OVOL2: variants seen among roughly 807,000 people sequenced by gnomAD.
OVOL2 encodes ovo like zinc finger 2.
OVOL2 carries 13 observed loss-of-function variants against 18.1 expected under a neutral mutation model. That is an observed-to-expected ratio of 0.72 (90% CI 0.47 to 1.14). The LOEUF is 1.14. Among genes scored for constraint, OVOL2 ranks in the 50% most tolerant of loss-of-function variants. The probability of loss-of-function intolerance (pLI) is 0.00; values close to 1 mark genes in which losing one functional copy is unlikely to be tolerated. For missense variants in OVOL2, 335 were observed against 383.0 expected (o/e 0.87, Z 1.05); for synonymous variants, 166 against 162.7 (o/e 1.02, Z -0.16).
chr20:18,032,468 C>T (rs1187958199), intron 3 of OVOL2, among the ~76,000 whole-genome samples: 1 of 151,586 alleles, frequency 6.6e-6, no homozygotes, highest in East Asian at 1.9e-4. Context: ...AAGTACAGTC[C>T]CTCGATACTG....
chr20:18,038,260 G>A (rs1173782174), intron 3 of OVOL2, among the ~76,000 whole-genome samples: 1 of 152,180 alleles, frequency 6.6e-6, no homozygotes, highest in Non-Finnish European at 1.5e-5. Context: ...TCTGCCAACT[G>A]TTGCAATTTT....
At chr20:18,052,746 GAA>G (rs1300822277) in intron 2 of OVOL2, among the ~76,000 whole-genome samples, 1 of 152,196 alleles carries the variant, frequency 6.6e-6, no homozygotes, top group Non-Finnish European at 1.5e-5. Flanking sequence ...CAAAAAGAAA[GAA>G]CAGAATAGGA....
At chr20:18,031,268 T>A (rs2122693173) in intron 3 of OVOL2, among the ~76,000 whole-genome samples, 1 of 152,250 alleles carries the variant, frequency 6.6e-6, no homozygotes, top group Non-Finnish European at 1.5e-5. Context: ...AGGGGTGTCA[T>A]AGCTCTTGCA....
chr20:18,040,947 G>A (rs895988462), intron 3 of OVOL2, among the ~76,000 whole-genome samples: 4 of 152,154 alleles, frequency 2.6e-5, no homozygotes, highest in East Asian at 1.9e-4. Context: ...GGCAGGCCCC[G>A]CGTGTGTGCC....
At chr20:18,041,494 A>G (rs1339539231) in intron 3 of OVOL2, 40 bp downstream of exon 3, 2 of 1,581,302 alleles carry the variant, frequency 1.3e-6, no homozygotes, top group South Asian at 1.1e-5. Flanking sequence ...TCTTGGCCAG[A>G]ATAACAAAAC....
At chr20:18,036,036 G>A (rs1404841451) in intron 3 of OVOL2, among the ~76,000 whole-genome samples, 1 of 152,154 alleles carries the variant, frequency 6.6e-6, no homozygotes, top group Non-Finnish European at 1.5e-5. Flanking sequence ...CCTCATGTCT[G>A]TAATCCCAGC....
chr20:18,044,515 T>G (rs1389469453), intron 2 of OVOL2, among the ~76,000 whole-genome samples: 1 of 152,152 alleles, frequency 6.6e-6, no homozygotes, highest in Non-Finnish European at 1.5e-5. Context: ...CCAGTCAGCC[T>G]CCTCCACTAG....
At chr20:18,039,927 C>CT (rs200079859) in intron 3 of OVOL2, among the ~76,000 whole-genome samples, 2 of 151,152 alleles carry the variant, frequency 1.3e-5, no homozygotes, top group African/African-American at 2.4e-5. Context: ...ATAGCAAACC[C>CT]TTTTTTTTTC....
chr20:18,030,906 T>C (rs2036563301), intron 3 of OVOL2, among the ~76,000 whole-genome samples: 2 of 152,148 alleles, frequency 1.3e-5, no homozygotes, highest in South Asian at 4.1e-4. Flanking sequence ...GGTGACCCTT[T>C]CTAGGCTTGG....
At chr20:18,026,985 C>G (rs2036525362) in intron 3 of OVOL2, among the ~76,000 whole-genome samples, 2 of 152,154 alleles carry the variant, frequency 1.3e-5, no homozygotes, top group South Asian at 4.1e-4. Context: ...CTGAGAAACT[C>G]CCCATTGGGT....
At chr20:18,036,594 T>C (rs74950563) in intron 3 of OVOL2, among the ~76,000 whole-genome samples, 18,338 of 152,134 alleles carry the variant, frequency 0.12, 1,197 homozygotes, top group Middle Eastern at 0.16. Flanking sequence ...TTCAGCTCCC[T>C]CACAGGAGTC....
chr20:18,056,732 G>T lies in OVOL2; in HGVS notation c.246C>A (p.Pro82=). 1 of 1,480,786 alleles carries T rather than the reference G, an allele frequency of 6.8e-7. No homozygotes were observed. The allele number at this position is 1,480,786 out of a possible 1,614,324, so 91.7% of individuals were successfully genotyped here. A position where few individuals can be genotyped will look rare whatever the true frequency, so the allele number is the denominator to read the frequency against. Residue 82 remains proline (P), a synonymous_variant, in exon 2 of 4, where the codon CCC becomes CCA. Transcript: ENST00000278780. This position sits in a 1 kb window ranked among gnomAD's most constrained non-coding sequence, Gnocchi z 4.2. The part of the protein sequence containing the change: ...SSPHAPESET[P]EPGDAEGPDG... ...CGGGGCCCTCGGCGTCGCCGGGCTC[G>T]GGGGTTTCGCTCTCGGGGGCGTGCG...
chr20:18,055,155 C>T (rs1199371041), intron 2 of OVOL2, among the ~76,000 whole-genome samples: 1 of 152,098 alleles, frequency 6.6e-6, no homozygotes, highest in Non-Finnish European at 1.5e-5. Context: ...TCCTTTAATC[C>T]AGGATTCCAA....
intron 2 of OVOL2, among the ~76,000 whole-genome samples, chr20:18,048,427 CA>C (rs1157971717): frequency 1.3e-5 from 2 of 152,204 alleles, no homozygotes; most frequent in African/African-American, 4.8e-5. Context: ...CTCTGTAATT[CA>C]AAAAGCTCTG....
intron 3 of OVOL2, among the ~76,000 whole-genome samples, chr20:18,031,106 A>C (rs143517920): frequency 3.0e-3 from 452 of 152,282 alleles, no homozygotes; most frequent in African/African-American, 0.011. Context: ...GGAACTGAAG[A>C]GCACCACCCA....
At position 18,041,406 on chromosome 20, in the gene OVOL2, G is replaced by A. The variant is rs1053936819; in HGVS notation, c.511+128C>T. 1.2e-5 allele frequency: 14 copies of A among 1,141,374 alleles called. No homozygotes were observed. In the East Asian group the frequency reaches 2.1e-4, roughly 17 times the overall value. The allele number at this position is 1,141,374 out of a possible 1,614,324, so 70.7% of individuals were successfully genotyped here. On this transcript the variant is annotated intron_variant, in intron 3 of 3. Coordinates refer to ENST00000278780, the MANE Select transcript of OVOL2 (RefSeq NM_021220.4). ...TCTCAAACTCCTAACCTCGTGATCC[G>A]CATCTTGTGATCTTTCTAGAAACAC...
intron 3 of OVOL2, among the ~76,000 whole-genome samples, chr20:18,030,879 C>T (rs540152493): frequency 1.3e-5 from 2 of 152,300 alleles, no homozygotes; most frequent in Admixed American, 6.5e-5. Flanking sequence ...GCGGGCACTG[C>T]CATGCGGCAG....
intron 2 of OVOL2, among the ~76,000 whole-genome samples, chr20:18,052,840 CA>C: frequency 6.6e-6 from 1 of 152,314 alleles, no homozygotes. Flanking sequence ...TGAATACTAT[CA>C]GCCAACTTCA....
intron 3 of OVOL2, among the ~76,000 whole-genome samples, chr20:18,029,867 T>C (rs1346777210): frequency 2.6e-5 from 4 of 152,034 alleles, no homozygotes; most frequent in Non-Finnish European, 5.9e-5. Flanking sequence ...TGGTCCCAGC[T>C]ACTCAGGAGG....
Sources: gnomAD v4.1 joint callset for allele counts (sites outside exome capture counted in the v4.1 genomes callset) on GRCh38, gnomAD v4.1.1 for gene constraint, Gnocchi (gnomAD v3.1) non-coding constraint, MANE v1.5 for transcripts, NCBI Gene and HGNC (gene_info 2026-07-23, HGNC 2026-07-21) for gene names.